CNGB3: variants seen among roughly 807,000 people sequenced by gnomAD.
The protein encoded by CNGB3 is cyclic nucleotide-gated channel beta-3.
In CNGB3, 86 loss-of-function variants were observed where a neutral mutation model predicts 92.8. That is an observed-to-expected ratio of 0.93 (90% CI 0.78 to 1.11). The LOEUF (loss-of-function observed/expected upper bound fraction) is 1.11. Ranked by LOEUF, CNGB3 falls within the 50% of genes least tolerant of loss-of-function variation. The pLI is 0.00. For synonymous variants in CNGB3, 333 were observed against 332.7 expected, an observed-to-expected ratio of 1.00 and a Z score of -0.01; for missense variants, 1,026 against 956.8, an observed-to-expected ratio of 1.07 and a Z score of -0.95.
At chr8:86,684,505 T>C (rs141480689) in intron 3 of CNGB3, among the ~76,000 whole-genome samples, 25 of 152,228 alleles carry the variant, frequency 1.6e-4, no homozygotes, top group Admixed American at 5.9e-4. Context: ...GTATTTATCC[T>C]GGAGAAATAA....
At chr8:86,667,590 G>T (rs28665735) in intron 5 of CNGB3, among the ~76,000 whole-genome samples, 2,492 of 152,314 alleles carry the variant, frequency 0.016, 37 homozygotes, top group Middle Eastern at 0.034. Flanking sequence ...AGGGCAGAGG[G>T]TCAGCCCATT....
chr8:86,669,140 C>G (rs1823807218), intron 4 of CNGB3, among the ~76,000 whole-genome samples: 1 of 151,882 alleles, frequency 6.6e-6, no homozygotes, highest in Non-Finnish European at 1.5e-5. Flanking sequence ...TCCAATATTA[C>G]AGGAAATAAA....
At chr8:86,603,687 T>C (rs1350396485) in intron 15 of CNGB3, among the ~76,000 whole-genome samples, 2 of 152,216 alleles carry the variant, frequency 1.3e-5, no homozygotes, top group African/African-American at 4.8e-5. Flanking sequence ...AACTGGAGTT[T>C]AAACTCAGGA....
At chr8:86,605,337 C>A (rs1265797692) in intron 14 of CNGB3, among the ~76,000 whole-genome samples, 2 of 152,036 alleles carry the variant, frequency 1.3e-5, no homozygotes, top group Non-Finnish European at 2.9e-5. Context: ...ACCTAAATGG[C>A]ACTTAGGTCA....
At chr8:86,635,075 A>AT (rs1259750279) in intron 10 of CNGB3, among the ~76,000 whole-genome samples, 3 of 151,932 alleles carry the variant, frequency 2.0e-5, no homozygotes, top group East Asian at 1.9e-4. Flanking sequence ...CCACTGTATA[A>AT]TTTTTTTCTA....
Position 86,675,826 on chromosome 8 carries a change from A to G in CNGB3, c.339-4728T>C, listed in dbSNP as rs112677326. ...TTTTTAAAAAGCTGATGAAAAAGAA[A>G]AGAACTATAGTAGTTTCCTTATTTC... On this transcript the variant is annotated intron_variant, in intron 3 of 17. Transcript: ENST00000320005. 8.2e-4 allele frequency among the ~76,000 whole-genome samples: 125 copies of G among 152,362 alleles called. 1 individual carries two copies. Among genetic ancestry groups the G allele is most frequent in the African/African-American group, 2.6e-3 (110 of 41,590 alleles).
chr8:86,694,824 C>T (rs1457773777), intron 3 of CNGB3, among the ~76,000 whole-genome samples: 1 of 151,674 alleles, frequency 6.6e-6, no homozygotes, highest in Admixed American at 6.6e-5. Context: ...GACTGAGCAG[C>T]CAGGCAGAGG....
At chr8:86,657,703 G>T in intron 6 of CNGB3, 1 of 456,816 alleles carries the variant, frequency 2.2e-6, no homozygotes, top group Non-Finnish European at 4.4e-6. Flanking sequence ...CACTTGTTGT[G>T]GTTGCCCACA....
At chr8:86,635,302 G>C (rs368527572) in intron 10 of CNGB3, among the ~76,000 whole-genome samples, 1 of 152,156 alleles carries the variant, frequency 6.6e-6, no homozygotes, top group East Asian at 1.9e-4. Flanking sequence ...CAAGAGTGAA[G>C]AGAAACAAGA....
chr8:86,687,396 C>T (rs1384912850), intron 3 of CNGB3, among the ~76,000 whole-genome samples: 1 of 151,814 alleles, frequency 6.6e-6, no homozygotes. Context: ...TATGGATGAA[C>T]CTAGAAAACA....
At position 86,625,976 on chromosome 8, in the gene CNGB3, C is replaced by T; in HGVS notation, c.1578+7G>A. On this transcript the variant is annotated splice_region_variant and intron_variant, in intron 13 of 17. Coordinates refer to ENST00000320005, the MANE Select transcript of CNGB3 (RefSeq NM_019098.5). ...ATACAGAGTCTATTAATTGTAAAAG[C>T]ACTTGCCTTGAACAAGTCGACTTTG... is the stretch of plus-strand genomic sequence containing the variant. 1 of 1,607,618 alleles carries T rather than the reference C, an allele frequency of 6.2e-7. No individual in the cohort carries two copies. Among genetic ancestry groups the T allele is most frequent in the Middle Eastern group, 1.7e-4 (1 of 6,038 alleles).
rs1032328803 is a variant in CNGB3 at position 86,659,212 on chromosome 8, G to C, written c.853-5150C>G. The C allele has an allele frequency of 4.1e-6, 3 of 723,870 alleles. No homozygotes were observed. The Admixed American group carries it at 5.6e-5, about 13-fold the overall frequency. 44.8% of individuals were successfully genotyped at this position (723,870 alleles called of 1,614,324 possible). On this transcript the variant is annotated intron_variant, in intron 6 of 17. Transcript: ENST00000320005. The stretch of plus-strand genomic sequence containing the variant: ...GACATCGGCTGCATCCTCTGCTACC[G>C]CATGGCCCTCCCTCCTTTCAGATTT...
intron 9 of CNGB3, 58 bp downstream of exon 9, chr8:86,644,564 T>C: frequency 6.3e-7 from 1 of 1,582,178 alleles, no homozygotes; most frequent in East Asian, 2.3e-5. Flanking sequence ...AAATTCCGTC[T>C]AAAATGTTGT....
intron 3 of CNGB3, among the ~76,000 whole-genome samples, chr8:86,688,585 A>G (rs1035743201): frequency 1.3e-5 from 2 of 151,838 alleles, no homozygotes; most frequent in African/African-American, 4.8e-5. Flanking sequence ...TTTCTTCTAG[A>G]TTTTCCAACT....
intron 2 of CNGB3, 88 bp downstream of exon 2, chr8:86,739,567 A>G: frequency 6.4e-7 from 1 of 1,571,682 alleles, no homozygotes; most frequent in Non-Finnish European, 8.6e-7. Context: ...CTAGTCAAGG[A>G]CAAATATTTC....
At chr8:86,632,147 C>G (rs1199101515) in intron 11 of CNGB3, among the ~76,000 whole-genome samples, 1 of 140,788 alleles carries the variant, frequency 7.1e-6, no homozygotes, top group Non-Finnish European at 1.5e-5. Context: ...TGCAGTGAGC[C>G]ATGTTTGTGC....
At chr8:86,710,608 T>C (rs1824732335) in intron 3 of CNGB3, among the ~76,000 whole-genome samples, 2 of 152,210 alleles carry the variant, frequency 1.3e-5, no homozygotes, top group South Asian at 4.1e-4. Context: ...TCTTTTCTAA[T>C]TGATTCATAT....
chr8:86,676,938 G>A (rs972730678), intron 3 of CNGB3, among the ~76,000 whole-genome samples: 1 of 152,088 alleles, frequency 6.6e-6, no homozygotes, highest in East Asian at 1.9e-4. Context: ...TATGTCTGCC[G>A]AGTCTCTCAG....
intron 13 of CNGB3, among the ~76,000 whole-genome samples, chr8:86,619,480 T>C (rs10808668): frequency 0.13 from 20,365 of 152,022 alleles, 1,775 homozygotes; most frequent in East Asian, 0.31. Flanking sequence ...CTGAGCTATT[T>C]CAAATCTCTG....
Sources: gnomAD v4.1 joint callset for allele counts (sites outside exome capture counted in the v4.1 genomes callset) on GRCh38, gnomAD v4.1.1 for gene constraint, MANE v1.5 for transcripts, NCBI Gene and HGNC (gene_info 2026-07-23, HGNC 2026-07-21) for gene names.